CACNA2D1: variants seen among roughly 807,000 people sequenced by gnomAD.
CACNA2D1 encodes the protein calcium voltage-gated channel auxiliary subunit alpha2delta 1, also known as voltage-dependent calcium channel subunit alpha-2/delta-1.
In CACNA2D1, 53 loss-of-function variants were observed where a neutral mutation model predicts 171.5. That is an observed-to-expected ratio of 0.31 (90% CI 0.25 to 0.39). The LOEUF (loss-of-function observed/expected upper bound fraction) is 0.39, where lower values mean the gene tolerates loss of function less well. CACNA2D1 is among the 10% of genes least tolerant of loss of function. CACNA2D1 has a pLI of 1.00. For synonymous variants in CACNA2D1, 442 were observed against 443.1 expected, an observed-to-expected ratio of 1.00 and a Z score of 0.03; for missense variants, 903 against 1,299.8, an observed-to-expected ratio of 0.69 and a Z score of 4.69.
chr7:82,034,883 C>A (rs1269194860), intron 11 of CACNA2D1, among the ~76,000 whole-genome samples: 4 of 152,006 alleles, frequency 2.6e-5, no homozygotes, highest in African/African-American at 9.6e-5. Context: ...AGGGCATACA[C>A]AAAAGAAGGA....
intron 3 of CACNA2D1, among the ~76,000 whole-genome samples, chr7:82,207,104 C>T (rs958681792): frequency 6.6e-6 from 1 of 152,170 alleles, no homozygotes; most frequent in Non-Finnish European, 1.5e-5. Context: ...GTATCCCTGG[C>T]CCCACCCACT....
At position 81,959,341 on chromosome 7, in the gene CACNA2D1, A is replaced by G. The variant is rs1793818157; in HGVS notation, c.3093T>C (p.Pro1031=). Residue 1031 remains proline, a synonymous_variant, in exon 38 of 39, where the codon CCT becomes CCC. Coordinates refer to ENST00000356860, the MANE Select transcript of CACNA2D1 (RefSeq NM_000722.4). ...ATCTGGGTTGCTTAACCATGTCACA[A>G]GGATTTGGACCGTCAGCTAAAAGAG... ...QAEQTSDGPN[P]CDMVKQPRYR... The G allele has an allele frequency of 6.2e-7, 1 of 1,610,122 alleles. No homozygotes were observed. Among genetic ancestry groups the G allele is most frequent in the Non-Finnish European group, 8.5e-7 (1 of 1,176,604 alleles).
At chr7:82,180,737 C>T (rs1289459172) in intron 3 of CACNA2D1, among the ~76,000 whole-genome samples, 1 of 152,036 alleles carries the variant, frequency 6.6e-6, no homozygotes, top group Non-Finnish European at 1.5e-5. Context: ...AAATGCATTA[C>T]TTACAGATCC....
chr7:82,271,077 T>C (rs1808560955), intron 3 of CACNA2D1, among the ~76,000 whole-genome samples: 1 of 152,116 alleles, frequency 6.6e-6, no homozygotes, highest in East Asian at 1.9e-4. Context: ...GATTCAGGCC[T>C]CTGCTCTGGC....
At chr7:82,253,885 T>G (rs982948933) in intron 3 of CACNA2D1, among the ~76,000 whole-genome samples, 1 of 152,116 alleles carries the variant, frequency 6.6e-6, no homozygotes. Flanking sequence ...TGGAAAGAAA[T>G]AAACTCTTTT....
intron 3 of CACNA2D1, among the ~76,000 whole-genome samples, chr7:82,178,488 G>A (rs1048021033): frequency 2.6e-5 from 4 of 152,176 alleles, no homozygotes; most frequent in African/African-American, 9.6e-5. Flanking sequence ...AATGAATTAC[G>A]TGTTGAACTT....
intron 4 of CACNA2D1, among the ~76,000 whole-genome samples, chr7:82,160,819 C>T (rs548795841): frequency 6.6e-6 from 1 of 152,146 alleles, no homozygotes; most frequent in Admixed American, 6.6e-5. Flanking sequence ...AGAAAAAAAT[C>T]TCATCATTCT....
At chr7:82,056,201 C>T (rs1479978154) in intron 10 of CACNA2D1, among the ~76,000 whole-genome samples, 3 of 151,676 alleles carry the variant, frequency 2.0e-5, no homozygotes, top group East Asian at 1.9e-4. Flanking sequence ...ATATAACTGG[C>T]CATCAATATG....
intron 1 of CACNA2D1, among the ~76,000 whole-genome samples, chr7:82,405,228 T>C (rs963703905): frequency 1.3e-5 from 2 of 152,168 alleles, no homozygotes. Flanking sequence ...GTATGCCTAA[T>C]TAGACAATAG....
At chr7:82,311,092 C>T (rs1814402830) in intron 3 of CACNA2D1, among the ~76,000 whole-genome samples, 1 of 151,900 alleles carries the variant, frequency 6.6e-6, no homozygotes, top group South Asian at 2.1e-4. Flanking sequence ...GATGAAATTC[C>T]TAAATATCTG....
chr7:81,991,302 G>T, intron 20 of CACNA2D1, 56 bp from the exon 21 acceptor site: 1 of 865,170 alleles, frequency 1.2e-6, no homozygotes, highest in South Asian at 1.3e-5. Context: ...GAATATATAC[G>T]AAAAGTAAAG....
At position 82,177,679 on chromosome 7, in the gene CACNA2D1, T is replaced by C. The variant is rs1796691003; in HGVS notation, c.295-7070A>G. ...AGAATGTAGAATAGGTATTATTTCT[T>C]AATACAAACCTACCTATTCCTTCAC... On this transcript the variant is annotated intron_variant, in intron 3 of 38. Transcript: ENST00000356860. 2.0e-5 allele frequency among the ~76,000 whole-genome samples: 3 copies of C among 152,152 alleles called. No homozygotes were observed. The South Asian group carries it at 6.2e-4, about 31-fold the overall frequency.
intron 3 of CACNA2D1, among the ~76,000 whole-genome samples, chr7:82,183,837 C>A (rs920814576): frequency 6.6e-6 from 1 of 152,090 alleles, no homozygotes; most frequent in Non-Finnish European, 1.5e-5. Flanking sequence ...TGGTGAACCA[C>A]TTCCAGTCCT....
intron 38 of CACNA2D1, among the ~76,000 whole-genome samples, chr7:81,951,707 G>T (rs1792539171): frequency 6.6e-6 from 1 of 151,948 alleles, no homozygotes; most frequent in African/African-American, 2.4e-5. Context: ...ATTCCATGTT[G>T]TATATATACC....
In CACNA2D1 at chr7:82,242,588, G is replaced by T. The variant is rs117332851; in HGVS notation, c.295-71979C>A. ...ACTTTTTCTTGCTCATATGCTAACC[G>T]GCATTCAGTCTTTTATAGCAGTAAT... On this transcript the variant is annotated intron_variant, in intron 3 of 38. Coordinates refer to ENST00000356860, the MANE Select transcript of CACNA2D1 (RefSeq NM_000722.4). Among the ~76,000 whole-genome samples the T allele has an allele frequency of 1.2e-4, 18 of 152,114 alleles. No homozygotes were observed. The East Asian group carries it at 3.3e-3, about 28-fold the overall frequency.
At chr7:82,148,524 G>C (rs1014237939) in intron 4 of CACNA2D1, among the ~76,000 whole-genome samples, 4 of 152,154 alleles carry the variant, frequency 2.6e-5, no homozygotes, top group Non-Finnish European at 5.9e-5. Context: ...TTTTCTACTA[G>C]GAGTCTGGAA....
intron 3 of CACNA2D1, among the ~76,000 whole-genome samples, chr7:82,229,061 A>G (rs1162989331): frequency 1.3e-5 from 2 of 152,164 alleles, no homozygotes; most frequent in Admixed American, 1.3e-4. Flanking sequence ...TTTTCTGAAT[A>G]ACACCATCAA....
intron 3 of CACNA2D1, among the ~76,000 whole-genome samples, chr7:82,196,602 C>A (rs1798878320): frequency 6.6e-6 from 1 of 151,874 alleles, no homozygotes; most frequent in Admixed American, 6.6e-5. Context: ...ATTTGTTTGC[C>A]TTAGAGGAAG....
chr7:82,324,452 C>A (rs868606107), intron 3 of CACNA2D1, among the ~76,000 whole-genome samples: 1 of 150,246 alleles, frequency 6.7e-6, no homozygotes, highest in African/African-American at 2.4e-5. Context: ...CAAAATGTTA[C>A]GAAAATTAAA....
Sources: gnomAD v4.1 joint callset for allele counts (sites outside exome capture counted in the v4.1 genomes callset) on GRCh38, gnomAD v4.1.1 for gene constraint, MANE v1.5 for transcripts, NCBI Gene and HGNC (gene_info 2026-07-23, HGNC 2026-07-21) for gene names.